CENPQ: variants seen among roughly 807,000 people sequenced by gnomAD.
The protein encoded by CENPQ is centromere protein Q.
Under a neutral mutation model 36.6 loss-of-function variants are expected in CENPQ, and 27 were observed. The observed-to-expected ratio is 0.74, with a 90% CI of 0.54 to 1.02. The LOEUF is 1.02. Among genes scored for constraint, CENPQ ranks in the 50% least tolerant of loss-of-function variants. The probability of loss-of-function intolerance (pLI) is 0.00; values close to 1 mark genes in which losing one functional copy is unlikely to be tolerated. For synonymous variants in CENPQ, 101 were observed against 101.7 expected (o/e 0.99, Z 0.04); for missense variants, 306 against 301.8 (o/e 1.01, Z -0.10).
At chr6:49,477,380 T>A (rs1205990444) in intron 5 of CENPQ, among the ~76,000 whole-genome samples, 1 of 122,366 alleles carries the variant, frequency 8.2e-6, no homozygotes, top group Non-Finnish European at 1.6e-5. Flanking sequence ...TGAGAACACC[T>A]GGGCACAGGA....
chr6:49,470,831 T>C (rs1768114807), intron 2 of CENPQ, 143 bp from the exon 3 acceptor site: 2 of 416,858 alleles, frequency 4.8e-6, no homozygotes, highest in South Asian at 1.9e-4. Flanking sequence ...CATTTTTCTT[T>C]AGAAGTAGCA....
At chr6:49,466,726 C>T (rs1355402733) in intron 1 of CENPQ, among the ~76,000 whole-genome samples, 4 of 151,950 alleles carry the variant, frequency 2.6e-5, no homozygotes, top group South Asian at 2.1e-4. Context: ...TCTCAAATAC[C>T]GTTCTAGGTG....
chr6:49,492,057 G>A, intron 8 of CENPQ, 87 bp from the exon 9 acceptor site: 1 of 1,051,422 alleles, frequency 9.5e-7, no homozygotes, highest in East Asian at 2.6e-5. Context: ...GATACTTAAG[G>A]TTTATTTTAC....
chr6:49,488,914 C>T (rs1310671090), intron 8 of CENPQ, among the ~76,000 whole-genome samples: 1 of 151,116 alleles, frequency 6.6e-6, no homozygotes, highest in African/African-American at 2.4e-5. Flanking sequence ...TTAGAAAACG[C>T]TTTACTGCTA....
intron 2 of CENPQ, 95 bp from the exon 3 acceptor site, chr6:49,470,879 A>G: frequency 1.7e-6 from 1 of 601,242 alleles, no homozygotes; most frequent in South Asian, 4.9e-5. Flanking sequence ...TTATATGAAT[A>G]CTCTTTGACA....
chr6:49,487,824 C>T (rs761545336), intron 6 of CENPQ, among the ~76,000 whole-genome samples: 2 of 152,088 alleles, frequency 1.3e-5, no homozygotes, highest in Non-Finnish European at 2.9e-5. Context: ...TTTCATCTTC[C>T]TCTCTAAATT....
rs1581859213 is a variant in CENPQ at position 49,492,444 on chromosome 6, G to T, written c.*169G>T. 13 of 550,684 alleles carry T rather than the reference G, an allele frequency of 2.4e-5. No individual in the cohort carries two copies. The East Asian group carries it at 3.5e-4, about 15-fold the overall frequency. The allele number at this position is 550,684 out of a possible 1,614,324, so 34.1% of individuals were successfully genotyped here. A position where few individuals can be genotyped will look rare whatever the true frequency, so the allele number is the denominator to read the frequency against. ...AGTTCTATCATTAGCATCTAATGTA[G>T]TTCTGAAGACTGTTTTTAGCAGTTG... On this transcript the variant is annotated 3_prime_UTR_variant, in exon 9 of 9. Coordinates refer to ENST00000335783, the MANE Select transcript of CENPQ (RefSeq NM_018132.4).
In CENPQ at chr6:49,488,371, T is replaced by C. The variant is rs1255928877; in HGVS notation, c.497T>C (p.Val166Ala). ...ACTCAGGAAGAAATAGATAAAATGG[T>C]AGAGACCACAGAGTTAATGACTGGG... is the stretch of plus-strand genomic sequence containing the variant. Reference protein sequence around the residue: ...ALLQEEIDKMVETTELMTGNI... With the variant: ...ALLQEEIDKMAETTELMTGNI... The change falls in exon 7 of 9, where the codon GTA becomes GCA. Residue 166 changes from valine to alanine, a missense_variant. Val to Ala is a moderately conservative substitution (Grantham distance 64). Coordinates refer to ENST00000335783, the MANE Select transcript of CENPQ (RefSeq NM_018132.4). The C allele has an allele frequency of 2.5e-6, 4 of 1,607,364 alleles. No homozygotes were observed. In the African/African-American group the frequency reaches 5.4e-5, roughly 22 times the overall value.
chr6:49,464,130 C>T lies in CENPQ; in HGVS notation c.-19+677C>T, dbSNP rs571544494. ...TAATACTTTTTCTATGAATAATGTA[C>T]AAACATACTTCCGAGATATTGCGGG... is the stretch of plus-strand genomic sequence containing the variant. On this transcript the variant is annotated intron_variant, in intron 1 of 8. Transcript: ENST00000335783. Among the ~76,000 whole-genome samples, 24 of 152,132 alleles carry T rather than the reference C, an allele frequency of 1.6e-4. 1 individual carries two copies. The highest frequency in any genetic ancestry group is 2.5e-4 in the Non-Finnish European group (17 of 68,010).
intron 5 of CENPQ, among the ~76,000 whole-genome samples, chr6:49,474,540 C>T (rs975103799): frequency 4.6e-5 from 7 of 152,074 alleles, no homozygotes; most frequent in South Asian, 2.1e-4. Flanking sequence ...AAATTTATAG[C>T]ACTAAATGCC....
At chr6:49,481,125 A>T in intron 6 of CENPQ, 45 bp downstream of exon 6, 1 of 1,500,640 alleles carries the variant, frequency 6.7e-7, no homozygotes, top group Non-Finnish European at 8.9e-7. Context: ...AGTTAGGGAA[A>T]GGGAAGAAGA....
At chr6:49,473,813 G>A (rs1318704710) in intron 5 of CENPQ, among the ~76,000 whole-genome samples, 4 of 152,150 alleles carry the variant, frequency 2.6e-5, no homozygotes, top group Admixed American at 2.0e-4. Flanking sequence ...AAAATACAGG[G>A]ATGGAGAAAG....
chr6:49,469,776 A>G (rs111618670), intron 1 of CENPQ, among the ~76,000 whole-genome samples: 159 of 152,322 alleles, frequency 1.0e-3, no homozygotes, highest in African/African-American at 3.7e-3. Context: ...CCTTGAACTG[A>G]CATTATCTGT....
At chr6:49,491,466 G>T (rs112674720) in intron 8 of CENPQ, among the ~76,000 whole-genome samples, 6,172 of 152,076 alleles carry the variant, frequency 0.041, 190 homozygotes, top group Non-Finnish European at 0.062. Flanking sequence ...TGACAGTTTG[G>T]TTTTTTTAAT....
intron 5 of CENPQ, among the ~76,000 whole-genome samples, chr6:49,476,530 G>A (rs866038174): frequency 8.1e-4 from 123 of 152,160 alleles, no homozygotes; most frequent in African/African-American, 2.7e-3. Context: ...TTTCATGTCC[G>A]AAACACCAAA....
chr6:49,476,202 C>G (rs1768286728), intron 5 of CENPQ, among the ~76,000 whole-genome samples: 1 of 152,162 alleles, frequency 6.6e-6, no homozygotes, highest in Admixed American at 6.5e-5. Context: ...AACAAAACAC[C>G]ATGGTACTGG....
At chr6:49,469,922 G>A (rs1768086272) in intron 1 of CENPQ, among the ~76,000 whole-genome samples, 1 of 150,880 alleles carries the variant, frequency 6.6e-6, no homozygotes, top group South Asian at 2.1e-4. Context: ...TAATTTCTAG[G>A]AATGAAATTG....
chr6:49,488,536 A>T (rs1265854359), intron 7 of CENPQ, 65 bp downstream of exon 7: 1 of 1,596,106 alleles, frequency 6.3e-7, no homozygotes, highest in Non-Finnish European at 8.6e-7. Flanking sequence ...TTATGCAAAG[A>T]TAACTTTCGA....
At chr6:49,476,954 A>T (rs1413517204) in intron 5 of CENPQ, among the ~76,000 whole-genome samples, 1 of 152,192 alleles carries the variant, frequency 6.6e-6, no homozygotes, top group Non-Finnish European at 1.5e-5. Flanking sequence ...AAATAGGAAC[A>T]CTTTTACACT....
Sources: allele counts gnomAD v4.1 joint callset (sites outside exome capture counted in the v4.1 genomes callset), GRCh38; gene constraint gnomAD v4.1.1; transcripts MANE v1.5; gene names NCBI Gene and HGNC (gene_info 2026-07-23, HGNC 2026-07-21).